The following CUBN variants were observed in gnomAD, a reference collection of about 807,000 sequenced individuals.
CUBN encodes the protein cubilin.
Under a neutral mutation model 405.3 loss-of-function variants are expected in CUBN, and 282 were observed. The ratio of observed to expected loss-of-function variants is 0.70; its 90% CI spans 0.63 to 0.77. The LOEUF is 0.77. Among genes scored for constraint, CUBN ranks in the 30% least tolerant of loss-of-function variants. CUBN has a pLI of 0.00. For missense variants in CUBN, 4,514 were observed against 4,475.2 expected, an observed-to-expected ratio of 1.01 and a Z score of -0.25; for synonymous variants, 1,684 against 1,617.0, an observed-to-expected ratio of 1.04 and a Z score of -0.99.
intron 59 of CUBN, among the ~76,000 whole-genome samples, chr10:16,868,057 C>T (rs1387952901): frequency 2.0e-5 from 3 of 152,158 alleles, no homozygotes; most frequent in Non-Finnish European, 4.4e-5. Context: ...AAAAAAAAAT[C>T]TCCAAAGGAA....
At chr10:16,827,975 AT>A (rs143257388) in intron 66 of CUBN, among the ~76,000 whole-genome samples, 1 of 152,180 alleles carries the variant, frequency 6.6e-6, no homozygotes, top group Non-Finnish European at 1.5e-5. Context: ...TCAGATTCTG[AT>A]TTTTTTAGGG....
chr10:16,824,035 T>C lies in CUBN; in HGVS notation c.*940A>G, dbSNP rs560609264. 29 of 152,338 alleles carry C rather than the reference T, an allele frequency of 1.9e-4. No individual in the cohort carries two copies. Among genetic ancestry groups the C allele is most frequent in the African/African-American group, 6.7e-4 (28 of 41,582 alleles). The allele number at this position is 152,338 out of a possible 1,614,324, so 9.4% of individuals were successfully genotyped here. A position where few individuals can be genotyped will look rare whatever the true frequency, so the allele number is the denominator to read the frequency against. On this transcript the variant is annotated 3_prime_UTR_variant, in exon 67 of 67. Coordinates refer to ENST00000377833, the MANE Select transcript of CUBN (RefSeq NM_001081.4). ...ACAGGAAATTTATGCTTCTATATTA[T>C]CATTAACTTTTGTTGTTCTTGTTGT...
At chr10:16,860,086 A>C (rs1839972075) in intron 59 of CUBN, among the ~76,000 whole-genome samples, 1 of 152,160 alleles carries the variant, frequency 6.6e-6, no homozygotes, top group African/African-American at 2.4e-5. Context: ...AAGGGGAGTA[A>C]TAAAAAAGTG....
At chr10:17,020,064 A>G in intron 27 of CUBN, 81 bp from the exon 28 acceptor site, 1 of 1,517,682 alleles carries the variant, frequency 6.6e-7, no homozygotes, top group Non-Finnish European at 9.1e-7. Context: ...AAGTAGCAAA[A>G]GCTGTTCCTT....
intron 25 of CUBN, 78 bp downstream of exon 25, chr10:17,044,929 C>T: frequency 7.2e-7 from 1 of 1,382,244 alleles, no homozygotes; most frequent in Non-Finnish European, 1.0e-6. Flanking sequence ...TTTCCTGAAT[C>T]TCGAAAATAA....
chr10:16,951,120 A>C (rs1385055174), intron 33 of CUBN, among the ~76,000 whole-genome samples: 1 of 152,188 alleles, frequency 6.6e-6, no homozygotes, highest in Admixed American at 6.5e-5. Context: ...GAGATCTTTC[A>C]TCTAAATGCT....
rs1837265388 is a variant in CUBN, at chr10:17,129,218, A to G, written c.155T>C (p.Val52Ala). 1.2e-6 allele frequency: 2 copies of G among 1,613,556 alleles called. No individual in the cohort carries two copies. Among genetic ancestry groups the G allele is most frequent in the African/African-American group, 1.3e-5 (1 of 74,910 alleles). Residue 52 changes from valine to alanine, a missense_variant, in exon 2 of 67, where the codon GTG becomes GCG. Around this residue, in one of 5 missense-constraint regions of CUBN, gnomAD observed 1,448 missense variants for 1,388.0 expected, o/e 1.04. Coordinates refer to ENST00000377833, the MANE Select transcript of CUBN (RefSeq NM_001081.4). Reference sequence around the variant, plus strand: ...GTTTTGAGCAGACCCCGTAAGAAACACCAAATTTCCTCTCTCTGTAGCCAT... The same window carrying G: ...GTTTTGAGCAGACCCCGTAAGAAACGCCAAATTTCCTCTCTCTGTAGCCAT... ...PRMATERGNL[V>A]FLTGSAQNIE...
rs375371074 is a variant in CUBN, at chr10:17,084,373, T to C, written c.2199A>G (p.Gln733=). The C allele has an allele frequency of 7.4e-6, 12 of 1,614,044 alleles. No individual in the cohort carries two copies. The highest frequency in any genetic ancestry group is 4.0e-5 in the African/African-American group (3 of 74,934). The part of the protein sequence containing the change: ...ELSGPFTHTR[Q]CVYMMKQPQG... ...GGGGCTGCTTCATCATATAGACGCATTGCCTGGTGTGAGTGAAAGGCCCAG... is the reference window on the plus strand; with the variant it reads ...GGGGCTGCTTCATCATATAGACGCACTGCCTGGTGTGAGTGAAAGGCCCAG... The change falls in exon 17 of 67, where the codon CAA becomes CAG. Residue 733 remains glutamine, a synonymous_variant. Transcript: ENST00000377833.
At chr10:17,078,969 C>G (rs1835912384) in intron 17 of CUBN, among the ~76,000 whole-genome samples, 1 of 152,164 alleles carries the variant, frequency 6.6e-6, no homozygotes, top group Admixed American at 6.5e-5. Flanking sequence ...CTCCTTCAAA[C>G]ACAGCAAAAA....
chr10:16,900,984 C>G (rs763425274), intron 52 of CUBN, 134 bp from the exon 53 acceptor site: 9 of 746,236 alleles, frequency 1.2e-5, no homozygotes, highest in African/African-American at 1.8e-5. Context: ...TTCTCCCTTC[C>G]CCTCTACTTT....
At chr10:16,985,598 C>T (rs1289081909) in intron 29 of CUBN, among the ~76,000 whole-genome samples, 1 of 152,206 alleles carries the variant, frequency 6.6e-6, no homozygotes, top group Non-Finnish European at 1.5e-5. Context: ...ATACTGTAGC[C>T]TGCCCATGAG....
At chr10:16,981,771 C>T (rs1253033670) in intron 31 of CUBN, among the ~76,000 whole-genome samples, 2 of 152,176 alleles carry the variant, frequency 1.3e-5, no homozygotes, top group Non-Finnish European at 2.9e-5. Flanking sequence ...AAATAAGCCA[C>T]CCCCTTCGCA....
rs10630720 is a variant in CUBN, at chr10:16,996,621, G to GT, written c.4169-6107dup. 3.6e-3 allele frequency among the ~76,000 whole-genome samples: 542 copies of GT among 152,050 alleles called. 5 individuals are homozygous for GT. The highest frequency in any genetic ancestry group is 0.012 in the African/African-American group (500 of 41,502). The stretch of plus-strand genomic sequence containing the variant: ...ACTATCTTTAAGTTCGTATCTGTGT[G>GT]TTTTTAATAAGAGCTTTAATAAAAG... On this transcript the variant is annotated intron_variant, in intron 28 of 66. Transcript: ENST00000377833.
intron 8 of CUBN, among the ~76,000 whole-genome samples, chr10:17,113,258 C>A (rs578109267): frequency 6.6e-6 from 1 of 152,118 alleles, no homozygotes. Context: ...GGGAGAGACT[C>A]TGTCTCAAAA....
chr10:16,930,971 C>G (rs1228705034), intron 40 of CUBN, among the ~76,000 whole-genome samples: 2 of 151,930 alleles, frequency 1.3e-5, no homozygotes, highest in Non-Finnish European at 2.9e-5. Context: ...AAAATTTAGT[C>G]ATAGGCCAGG....
At chr10:17,044,750 T>C (rs1835086107) in intron 25 of CUBN, among the ~76,000 whole-genome samples, 1 of 152,216 alleles carries the variant, frequency 6.6e-6, no homozygotes, top group Non-Finnish European at 1.5e-5. Flanking sequence ...ATAAATCCTG[T>C]AATCCCTTTC....
At chr10:17,024,141 A>G (rs1834587964) in intron 27 of CUBN, among the ~76,000 whole-genome samples, 1 of 152,186 alleles carries the variant, frequency 6.6e-6, no homozygotes. Context: ...CTCCAGTTGC[A>G]ATAGGAAGTG....
intron 60 of CUBN, among the ~76,000 whole-genome samples, chr10:16,841,910 CAA>C (rs11354893): frequency 0.025 from 2,383 of 93,698 alleles, 28 homozygotes; most frequent in African/African-American, 0.043. Flanking sequence ...AAGACTGTCT[CAA>C]AAAAAAAAAA....
At chr10:16,882,584 G>C (rs1840693724) in intron 56 of CUBN, among the ~76,000 whole-genome samples, 1 of 152,230 alleles carries the variant, frequency 6.6e-6, no homozygotes, top group Non-Finnish European at 1.5e-5. Context: ...GGGATTTAGA[G>C]TTGGACCACA....
Sources: gnomAD v4.1 joint callset for allele counts (sites outside exome capture counted in the v4.1 genomes callset) on GRCh38, gnomAD v4.1.1 for gene constraint, gnomAD v4.1.1 regional missense constraint, MANE v1.5 for transcripts, NCBI Gene and HGNC (gene_info 2026-07-23, HGNC 2026-07-21) for gene names.